FBXO43: variants seen among roughly 807,000 people sequenced by gnomAD.
FBXO43 encodes the protein F-box only protein 43.
FBXO43 carries 22 observed loss-of-function variants against 56.7 expected under a neutral mutation model. The ratio of observed to expected loss-of-function variants is 0.39; its 90% CI spans 0.28 to 0.55. The LOEUF is 0.55. Among genes scored for constraint, FBXO43 ranks in the 20% least tolerant of loss-of-function variants. FBXO43 has a pLI of 0.66. For missense variants in FBXO43, 733 were observed against 814.9 expected, an observed-to-expected ratio of 0.90 and a Z score of 1.22; for synonymous variants, 306 against 294.5, an observed-to-expected ratio of 1.04 and a Z score of -0.40.
rs753634464 is a variant in FBXO43 at position 100,145,183 on chromosome 8, A to G, written c.-48T>C. On this transcript the variant is annotated 5_prime_UTR_variant, in exon 1 of 5. Coordinates refer to ENST00000428847, the MANE Select transcript of FBXO43 (RefSeq NM_001029860.4). ...AGGAAAACTTTAGTTTGCACAATTA[A>G]TTGAAAGGTGCAGCAGCATCATGAT... 1 of 1,531,830 alleles carries G rather than the reference A, an allele frequency of 6.5e-7. No individual in the cohort carries two copies. The highest frequency in any genetic ancestry group is 2.3e-5 in the East Asian group (1 of 43,708). 94.9% of individuals were successfully genotyped at this position (1,531,830 alleles called of 1,614,324 possible).
rs1444936041 is a variant in FBXO43, at chr8:100,141,210, C to T, written c.1044G>A (p.Leu348=). 1 of 1,614,054 alleles carries T rather than the reference C, an allele frequency of 6.2e-7. No homozygotes were observed. The highest frequency in any genetic ancestry group is 1.1e-5 in the South Asian group (1 of 91,076). Residue 348 remains leucine (L), a synonymous_variant, in exon 2 of 5, where the codon CTG becomes CTA. Coordinates refer to ENST00000428847, the MANE Select transcript of FBXO43 (RefSeq NM_001029860.4). The part of the protein sequence containing the change: ...SLSLEKSEDS[L]SDQEGSFQEL... ...CTTGAAAAGAACCCTCCTGGTCAGA[C>T]AGGGAATCTTCTGATTTCTCCAAGC...
chr8:100,145,332 T>G lies in FBXO43; in HGVS notation c.-197A>C. On this transcript the variant is annotated 5_prime_UTR_variant, in exon 1 of 5. Transcript: ENST00000428847. ...AAATAGTTATCTTAATATCCTTGTT[T>G]TCTCCAGCTGGACTTAGACATGAGT... 2.3e-6 allele frequency: 1 copy of G among 444,152 alleles called. No homozygotes were observed. Among genetic ancestry groups the G allele is most frequent in the Non-Finnish European group, 4.0e-6 (1 of 252,094 alleles). The allele number at this position is 444,152 out of a possible 1,614,324, so 27.5% of individuals were successfully genotyped here. A position where few individuals can be genotyped will look rare whatever the true frequency, so the allele number is the denominator to read the frequency against.
rs747863236 is a variant in FBXO43 at position 100,140,779 on chromosome 8, AT to A, written c.1474del (p.Ile492Ter). ...TTCTGTTAAGATGTCCAGTTTTTCT[AT>A]ACCCATTTTCTTGCCGATCAGTCCT... ...LAGLIGKKMG[I>X]EKLDILTELK... On this transcript the variant is annotated frameshift_variant, in exon 2 of 5. Coordinates refer to ENST00000428847, the MANE Select transcript of FBXO43 (RefSeq NM_001029860.4). LOFTEE classifies it high-confidence loss of function. The A allele has an allele frequency of 3.1e-6, 5 of 1,614,002 alleles. No homozygotes were observed.
At chr8:100,149,405 T>C (rs1278605097), upstream of FBXO43, among the ~76,000 whole-genome samples, 1 of 152,220 alleles carries the variant, frequency 6.6e-6, no homozygotes, top group Non-Finnish European at 1.5e-5. Context: ...TCGCTTAGGA[T>C]AACAATGGTT....
rs1814378492 is a variant in FBXO43 at position 100,133,763 on chromosome 8, A to C, written c.*39T>G. On this transcript the variant is annotated 3_prime_UTR_variant, in exon 5 of 5. Transcript: ENST00000428847. ...AATATTCATAATTTTAAGTCAGATAAATAGAACACTGCATGGGGGAGTTCT... is the reference window on the plus strand; with the variant it reads ...AATATTCATAATTTTAAGTCAGATACATAGAACACTGCATGGGGGAGTTCT... The C allele has an allele frequency of 6.4e-7, 1 of 1,559,470 alleles. No individual in the cohort carries two copies. The highest frequency in any genetic ancestry group is 8.7e-7 in the Non-Finnish European group (1 of 1,154,914).
Position 100,134,047 on chromosome 8 carries a change from C to T in FBXO43, c.1882G>A (p.Ala628Thr), listed in dbSNP as rs758256307. The T allele has an allele frequency of 3.1e-6, 5 of 1,613,240 alleles. No individual in the cohort carries two copies. The South Asian group carries it at 4.4e-5, about 14-fold the overall frequency. Residue 628 changes from alanine to threonine, a missense_variant, in exon 5 of 5, where the codon GCC becomes ACC. Transcript: ENST00000428847. The part of the protein sequence containing the change: ...SSKQEEYVKV[A>T]KTLFTDEALK... ...GCTTCATCAGTAAAAAGTGTTTTGG[C>T]AACCTGCAGTGAAAGCACACACACT... is the stretch of plus-strand genomic sequence containing the variant.
chr8:100,136,638 A>G (rs1157643328), intron 3 of FBXO43, among the ~76,000 whole-genome samples: 2 of 152,192 alleles, frequency 1.3e-5, no homozygotes, highest in Non-Finnish European at 2.9e-5. Flanking sequence ...ACTCACCTTC[A>G]GGCTTGTACA....
At chr8:100,150,247 T>G (rs994022860), upstream of FBXO43, among the ~76,000 whole-genome samples, 1 of 152,218 alleles carries the variant, frequency 6.6e-6, no homozygotes, top group East Asian at 1.9e-4. Context: ...AAAAACAATC[T>G]GGAAAAGTGT....
In FBXO43 at chr8:100,134,308, T is replaced by C. The variant is rs761986303; in HGVS notation, c.1731A>G (p.Ser577=). 2.5e-6 allele frequency: 4 copies of C among 1,613,968 alleles called. No individual in the cohort carries two copies. The highest frequency in any genetic ancestry group is 2.2e-5 in the East Asian group (1 of 44,890). The part of the protein sequence containing the change: ...AATRLQLLNR[S]ALRSVQAQAR... ...CCTGTGCCTGCACAGATCTTAAAGC[T>C]GAGCGATTTAAAAGCTGGAGCCGAG... The change falls in exon 4 of 5, where the codon TCA becomes TCG. Residue 577 remains serine (S), a synonymous_variant. Coordinates refer to ENST00000428847, the MANE Select transcript of FBXO43 (RefSeq NM_001029860.4).
intron 2 of FBXO43, among the ~76,000 whole-genome samples, chr8:100,139,246 T>C (rs1341114199): frequency 6.6e-6 from 1 of 151,998 alleles, no homozygotes. Flanking sequence ...AGACATACAA[T>C]TAATGTATGG....
At chr8:100,137,538 A>G in intron 3 of FBXO43, 27 bp downstream of exon 3, 1 of 1,448,632 alleles carries the variant, frequency 6.9e-7, no homozygotes, top group Non-Finnish European at 9.6e-7. Flanking sequence ...ATACAAATCC[A>G]TTTTAGAGAA....
In FBXO43 at chr8:100,140,868, A is replaced by G. The variant is rs1267473170; in HGVS notation, c.1386T>C (p.Ser462=). 1.2e-6 allele frequency: 2 copies of G among 1,614,162 alleles called. No homozygotes were observed. Among genetic ancestry groups the G allele is most frequent in the Middle Eastern group, 1.6e-4 (1 of 6,062 alleles). The stretch of plus-strand genomic sequence containing the variant: ...CCCCTTGCTCTAAGAATTCATGTCC[A>G]CTATTTTCCTGTAATCTTTTCCTCT... ...KSKRKRLQEN[S]GHEFLEQGDG... Residue 462 remains serine, a synonymous_variant, in exon 2 of 5, where the codon AGT becomes AGC. Coordinates refer to ENST00000428847, the MANE Select transcript of FBXO43 (RefSeq NM_001029860.4).
chr8:100,134,138 C>T (rs1223363139), intron 4 of FBXO43, 23 bp downstream of exon 4: 6 of 1,606,830 alleles, frequency 3.7e-6, no homozygotes, highest in Non-Finnish European at 5.1e-6. Flanking sequence ...TTTCTAATAA[C>T]TTATGACATA....
At chr8:100,137,302 C>T in intron 3 of FBXO43, 1 of 259,178 alleles carries the variant, frequency 3.9e-6, no homozygotes, top group Non-Finnish European at 7.3e-6. Context: ...CCTCGTGATC[C>T]GCCCGCCTCG....
chr8:100,148,260 A>G (rs1563757950), upstream of FBXO43, among the ~76,000 whole-genome samples: 1 of 151,996 alleles, frequency 6.6e-6, no homozygotes, highest in Non-Finnish European at 1.5e-5. Flanking sequence ...TATCTCCTTT[A>G]TATTGTTCAA....
Position 100,145,220 on chromosome 8 carries a change from G to T in FBXO43, c.-85C>A, listed in dbSNP as rs563193943. 8.6e-7 allele frequency: 1 copy of T among 1,157,876 alleles called. No individual in the cohort carries two copies. Among genetic ancestry groups the T allele is most frequent in the Non-Finnish European group, 1.2e-6 (1 of 808,870 alleles). 71.7% of individuals were successfully genotyped at this position (1,157,876 alleles called of 1,614,324 possible). ...AGCAGCATCATGATTGCTCAAAGTCGAAGGGTACACAGGGTGCATGCCGCA... is the reference window on the plus strand; with the variant it reads ...AGCAGCATCATGATTGCTCAAAGTCTAAGGGTACACAGGGTGCATGCCGCA... On this transcript the variant is annotated 5_prime_UTR_variant, in exon 1 of 5. It introduces an in-frame stop codon into an upstream open reading frame of the 5' UTR. Transcript: ENST00000428847.
At chr8:100,143,884 G>A (rs551380669) in intron 1 of FBXO43, among the ~76,000 whole-genome samples, 1 of 152,252 alleles carries the variant, frequency 6.6e-6, no homozygotes, top group Admixed American at 6.5e-5. Flanking sequence ...CAATTTTCCT[G>A]TATCAGCTTC....
chr8:100,142,103 C>A lies in FBXO43; in HGVS notation c.151G>T (p.Ala51Ser). 1 of 1,609,686 alleles carries A rather than the reference C, an allele frequency of 6.2e-7. No homozygotes were observed. Among genetic ancestry groups the A allele is most frequent in the Non-Finnish European group, 8.5e-7 (1 of 1,178,730 alleles). The change falls in exon 2 of 5, where the codon GCG (alanine) becomes TCG (serine). Residue 51 changes from alanine (A) to serine (S), a missense_variant. Transcript: ENST00000428847. ...GQAGTEAGNG[A>S]DSPPIVNSKY... ...GAGTTGACAATTGGAGGAGAGTCCG[C>A]CCCATTTCCTGCTTCAGTGCCAGCT...
At chr8:100,136,986 T>G (rs1201668957) in intron 3 of FBXO43, 1 of 152,306 alleles carries the variant, frequency 6.6e-6, no homozygotes, top group African/African-American at 2.4e-5. Flanking sequence ...GGATCCAGCA[T>G]ATCATTGGTA....
Sources: gnomAD v4.1 joint callset for allele counts (sites outside exome capture counted in the v4.1 genomes callset) on GRCh38, gnomAD v4.1.1 for gene constraint, MANE v1.5 for transcripts, NCBI Gene and HGNC (gene_info 2026-07-23, HGNC 2026-07-21) for gene names.